The following ATRX variants were observed in gnomAD, a reference collection of about 807,000 sequenced individuals.
ATRX encodes chromatin remodeler ATRX.
ATRX carries 12 observed loss-of-function variants against 172.6 expected under a neutral mutation model. The ratio of observed to expected loss-of-function variants is 0.07; its 90% CI spans 0.04 to 0.11. ATRX has a LOEUF of 0.11. Among genes scored for constraint, ATRX ranks in the 10% least tolerant of loss-of-function variants. ATRX has a pLI of 1.00. For missense variants in ATRX, 1,368 were observed against 1,767.4 expected (o/e 0.77, Z 4.05); for synonymous variants, 674 against 594.7 (o/e 1.13, Z -1.94).
At chrX:77,679,225 A>G in intron 9 of ATRX, among the ~76,000 whole-genome samples, 1 of 111,044 alleles carries the variant, frequency 9.0e-6, no homozygotes, top group Non-Finnish European at 1.9e-5. Context: ...TCCCTAACAA[A>G]TTTATCTTCT....
chrX:77,573,823 T>C (rs2065507670), intron 28 of ATRX, among the ~76,000 whole-genome samples: 1 of 111,136 alleles, frequency 9.0e-6, no homozygotes, highest in Non-Finnish European at 1.9e-5. Flanking sequence ...TAGGCTTTTG[T>C]TTCATTTAAG....
intron 1 of ATRX, among the ~76,000 whole-genome samples, chrX:77,754,519 T>C (rs1557189187): frequency 8.9e-6 from 1 of 112,054 alleles, no homozygotes; most frequent in African/African-American, 3.2e-5. Flanking sequence ...CGGGAGCTCT[T>C]ATAAGGCAGG....
intron 1 of ATRX, among the ~76,000 whole-genome samples, chrX:77,724,159 T>C (rs2073915143): frequency 9.1e-6 from 1 of 109,761 alleles, no homozygotes; most frequent in Admixed American, 9.8e-5. Flanking sequence ...ATGCCTGTAA[T>C]CCCAGCTACT....
At chrX:77,534,506 T>C (rs782471358) in intron 30 of ATRX, among the ~76,000 whole-genome samples, 1 of 112,075 alleles carries the variant, frequency 8.9e-6, no homozygotes, top group East Asian at 2.8e-4. Flanking sequence ...CATGCATTTA[T>C]ATTAGTTGCT....
chrX:77,551,910 C>G (rs975310418), intron 30 of ATRX, among the ~76,000 whole-genome samples: 6 of 111,912 alleles, frequency 5.4e-5, no homozygotes, highest in Middle Eastern at 4.7e-3. Context: ...CAAATCAAAA[C>G]CACAATGAGA....
At chrX:77,644,010 G>A (rs2068786172) in intron 15 of ATRX, among the ~76,000 whole-genome samples, 1 of 111,490 alleles carries the variant, frequency 9.0e-6, no homozygotes, top group African/African-American at 3.3e-5. Context: ...CGCAATCTTG[G>A]CTCACTGCAA....
chrX:77,643,054 G>T (rs782548251), intron 15 of ATRX, among the ~76,000 whole-genome samples: 2 of 111,932 alleles, frequency 1.8e-5, no homozygotes, highest in Non-Finnish European at 3.8e-5. Flanking sequence ...CCTACCAGAA[G>T]GTGAAGGTTT....
chrX:77,671,667 A>G (rs1216190353), intron 10 of ATRX, among the ~76,000 whole-genome samples: 1 of 111,267 alleles, frequency 9.0e-6, no homozygotes, highest in Non-Finnish European at 1.9e-5. Flanking sequence ...CAAATTTCAA[A>G]ATTTTATTTT....
chrX:77,652,464 C>T lies in ATRX; in HGVS notation c.4318-111G>A, dbSNP rs1171363567. 27 of 827,571 alleles carry T rather than the reference C, an allele frequency of 3.3e-5. No individual in the cohort carries two copies. In the South Asian group the frequency reaches 4.2e-4, roughly 13 times the overall value. The allele number at this position is 827,571 out of a possible 1,213,427, so 68.2% of individuals were successfully genotyped here. A position where few individuals can be genotyped will look rare whatever the true frequency, so the allele number is the denominator to read the frequency against. On this transcript the variant is annotated intron_variant, in intron 14 of 34. Transcript: ENST00000373344. The stretch of plus-strand genomic sequence containing the variant: ...AAGGTGGAAGAAAACATGCTGAAAA[C>T]CTTTAGAATTATATTCAGCAATAGA...
At chrX:77,537,494 C>T (rs1364821315) in intron 30 of ATRX, among the ~76,000 whole-genome samples, 2 of 110,320 alleles carry the variant, frequency 1.8e-5, no homozygotes, top group Admixed American at 1.9e-4. Flanking sequence ...TTTCTAACAC[C>T]TTTTCTAATA....
intron 1 of ATRX, among the ~76,000 whole-genome samples, chrX:77,735,460 C>A (rs972643039): frequency 4.5e-5 from 5 of 110,968 alleles, no homozygotes; most frequent in Non-Finnish European, 7.6e-5. Flanking sequence ...GGCACAGTGA[C>A]GGACGCCTGT....
rs782635950 is a variant in ATRX, at chrX:77,684,050, A to T, written c.1206T>A (p.Ile402=). Residue 402 remains isoleucine, a synonymous_variant, in exon 9 of 35, where the codon ATT becomes ATA. Transcript: ENST00000373344. ...LKAFKSVLAD[I]KKAHLALEED... is the part of the protein sequence containing the mutation. ...CTTCCAATGCAAGATGAGCCTTCTT[A>T]ATATCAGCCAACACAGACTTAAAAG... is the stretch of plus-strand genomic sequence containing the variant. 2.9e-5 allele frequency: 35 copies of T among 1,205,744 alleles called. No homozygotes were observed. Among genetic ancestry groups the T allele is most frequent in the Non-Finnish European group, 3.6e-5 (32 of 890,995 alleles).
intron 2 of ATRX, among the ~76,000 whole-genome samples, chrX:77,713,065 C>T (rs1557162407): frequency 1.8e-5 from 2 of 110,547 alleles, no homozygotes; most frequent in African/African-American, 6.6e-5. Flanking sequence ...AGGAGAATCG[C>T]TTGAACCTGG....
At chrX:77,708,084 C>G (rs193044569) in intron 2 of ATRX, among the ~76,000 whole-genome samples, 1 of 111,977 alleles carries the variant, frequency 8.9e-6, no homozygotes, top group Non-Finnish European at 1.9e-5. Flanking sequence ...TAGGTATATA[C>G]ACAAGATAAA....
intron 27 of ATRX, among the ~76,000 whole-genome samples, chrX:77,582,225 C>A (rs1197686704): frequency 1.8e-5 from 2 of 109,417 alleles, no homozygotes; most frequent in African/African-American, 3.3e-5. Flanking sequence ...CACAGTGAAA[C>A]CCTGTCTCTA....
chrX:77,605,854 A>T lies in ATRX; in HGVS notation c.5567-5290T>A, dbSNP rs782269511. Among the ~76,000 whole-genome samples, 6 of 111,870 alleles carry T rather than the reference A, an allele frequency of 5.4e-5. No individual in the cohort carries two copies. The East Asian group carries it at 1.4e-3, about 26-fold the overall frequency. On this transcript the variant is annotated intron_variant, in intron 22 of 34. Coordinates refer to ENST00000373344, the MANE Select transcript of ATRX (RefSeq NM_000489.6). Reference sequence around the variant, plus strand: ...ATAAACTCAACAAACTTTTAGTCAGACTACTTATGAAAAAAAAGAGAGAAT... The same window carrying T: ...ATAAACTCAACAAACTTTTAGTCAGTCTACTTATGAAAAAAAAGAGAGAAT...
intron 30 of ATRX, among the ~76,000 whole-genome samples, chrX:77,545,416 T>C (rs994770546): frequency 1.8e-5 from 2 of 111,712 alleles, no homozygotes; most frequent in Non-Finnish European, 3.8e-5. Context: ...ACTGGCATCA[T>C]ATTTTATCTA....
intron 2 of ATRX, 117 bp downstream of exon 2, chrX:77,717,014 C>CA (rs1247957960): frequency 4.7e-5 from 29 of 620,909 alleles, no homozygotes; most frequent in Middle Eastern, 9.1e-4. Flanking sequence ...TCATTTTCCA[C>CA]AAACTGAAAT....
At position 77,677,757 on chromosome X, in the gene ATRX, A is replaced by C. The variant is rs45492901; in HGVS notation, c.3737-1459T>G. On this transcript the variant is annotated intron_variant, in intron 9 of 34. Transcript: ENST00000373344. The stretch of plus-strand genomic sequence containing the variant: ...AAAAAAGATATACTGATGGATAGAC[A>C]GAAGGATATATAGATATGTTATCAA... 3.0e-3 allele frequency among the ~76,000 whole-genome samples: 332 copies of C among 110,813 alleles called. 2 individuals are homozygous for C. The highest frequency in any genetic ancestry group is 0.01 in the African/African-American group (319 of 30,530).
Sources: gnomAD v4.1 joint callset for allele counts (sites outside exome capture counted in the v4.1 genomes callset) on GRCh38, gnomAD v4.1.1 for gene constraint, MANE v1.5 for transcripts, NCBI Gene and HGNC (gene_info 2026-07-23, HGNC 2026-07-21) for gene names.